Variants in EBF1 observed in about 807,000 individuals in gnomAD.
EBF1 encodes transcription factor COE1.
EBF1 carries 10 observed loss-of-function variants against 68.4 expected under a neutral mutation model. The ratio of observed to expected loss-of-function variants is 0.15; its 90% CI spans 0.09 to 0.25. The LOEUF is 0.25. EBF1 is among the 10% of genes least tolerant of loss of function. The pLI is 1.00. For synonymous variants in EBF1, 298 were observed against 299.8 expected, an observed-to-expected ratio of 0.99 and a Z score of 0.06; for missense variants, 509 against 794.4, an observed-to-expected ratio of 0.64 and a Z score of 4.32.
chr5:159,002,912 A>G (rs1169820183), intron 6 of EBF1, among the ~76,000 whole-genome samples: 1 of 152,260 alleles, frequency 6.6e-6, no homozygotes, highest in Non-Finnish European at 1.5e-5. Context: ...GCAGCTGTGT[A>G]GGAAAGTTGA....
At chr5:158,851,303 A>G (rs2127996424) in intron 6 of EBF1, among the ~76,000 whole-genome samples, 1 of 135,326 alleles carries the variant, frequency 7.4e-6, no homozygotes, top group South Asian at 2.6e-4. Context: ...TGAACCTAGG[A>G]GGTAGAAGTT....
intron 11 of EBF1, among the ~76,000 whole-genome samples, chr5:158,718,460 C>G (rs1035091808): frequency 6.6e-6 from 1 of 152,138 alleles, no homozygotes; most frequent in East Asian, 1.9e-4. Flanking sequence ...TGGACAATGC[C>G]TCTCTCCATC....
At chr5:158,839,881 G>C (rs1022308982) in intron 7 of EBF1, 148 bp downstream of exon 7, 1 of 692,442 alleles carries the variant, frequency 1.4e-6, no homozygotes, top group East Asian at 2.7e-5. Flanking sequence ...CTAAACAACT[G>C]CTAGATTGCA....
chr5:158,897,817 G>A (rs1289604625), intron 6 of EBF1, among the ~76,000 whole-genome samples: 3 of 152,194 alleles, frequency 2.0e-5, no homozygotes, highest in Non-Finnish European at 1.5e-5. Flanking sequence ...AAGATGATTA[G>A]TTTGGAAATG....
chr5:158,912,522 C>T (rs1004420465), intron 6 of EBF1, among the ~76,000 whole-genome samples: 2 of 152,122 alleles, frequency 1.3e-5, no homozygotes, highest in South Asian at 2.1e-4. Flanking sequence ...AATACAGATT[C>T]TCAAGCCTCA....
intron 11 of EBF1, among the ~76,000 whole-genome samples, chr5:158,721,304 G>T (rs976113611): frequency 2.0e-5 from 3 of 152,128 alleles, no homozygotes; most frequent in Non-Finnish European, 4.4e-5. Context: ...TGAATCATAT[G>T]AAATTAAACT....
chr5:158,734,043 C>T (rs901648382), intron 10 of EBF1, among the ~76,000 whole-genome samples: 1 of 152,076 alleles, frequency 6.6e-6, no homozygotes, highest in Non-Finnish European at 1.5e-5. Context: ...TCCTCAAAAG[C>T]AATGCCATAG....
At chr5:158,923,768 C>G (rs955973925) in intron 6 of EBF1, among the ~76,000 whole-genome samples, 1 of 152,152 alleles carries the variant, frequency 6.6e-6, no homozygotes, top group African/African-American at 2.4e-5. Context: ...CTGTAAGGTC[C>G]CTTTCAGATC....
chr5:158,790,289 T>G (rs2127725357), intron 9 of EBF1, among the ~76,000 whole-genome samples: 1 of 152,304 alleles, frequency 6.6e-6, no homozygotes, highest in Non-Finnish European at 1.5e-5. Flanking sequence ...TGAGGGAAAT[T>G]TTGTTCAAAG....
chr5:158,765,201 G>A (rs1862177), intron 10 of EBF1, among the ~76,000 whole-genome samples: 2,318 of 152,048 alleles, frequency 0.015, 58 homozygotes, highest in African/African-American at 0.053. Context: ...TATGTCTTCT[G>A]AGCTAACCAA....
At chr5:158,926,893 A>G (rs1809826257) in intron 6 of EBF1, among the ~76,000 whole-genome samples, 1 of 152,212 alleles carries the variant, frequency 6.6e-6, no homozygotes. Context: ...AACCGAATCA[A>G]TACAACCACA....
intron 11 of EBF1, among the ~76,000 whole-genome samples, chr5:158,718,327 T>C (rs889994482): frequency 6.6e-6 from 1 of 152,170 alleles, no homozygotes; most frequent in Non-Finnish European, 1.5e-5. Context: ...TTTGAAGAAC[T>C]GCTCTCTATG....
chr5:158,952,820 T>C (rs1316758386), intron 6 of EBF1, among the ~76,000 whole-genome samples: 1 of 152,188 alleles, frequency 6.6e-6, no homozygotes, highest in Non-Finnish European at 1.5e-5. Flanking sequence ...AAGAATTAAT[T>C]AGCTGCAAAT....
chr5:159,061,676 C>T (rs911011481), intron 6 of EBF1, among the ~76,000 whole-genome samples: 11 of 152,026 alleles, frequency 7.2e-5, no homozygotes, highest in African/African-American at 2.7e-4. Flanking sequence ...AGAATCGAAA[C>T]ATGGCTCAAG....
intron 6 of EBF1, among the ~76,000 whole-genome samples, chr5:159,035,304 T>TA (rs1227409127): frequency 6.6e-6 from 1 of 151,820 alleles, no homozygotes; most frequent in Non-Finnish European, 1.5e-5. Flanking sequence ...GGAACATTGG[T>TA]AAAAAATAAA....
intron 9 of EBF1, among the ~76,000 whole-genome samples, chr5:158,784,968 C>T (rs1777127312): frequency 6.6e-6 from 1 of 152,140 alleles, no homozygotes; most frequent in Non-Finnish European, 1.5e-5. Flanking sequence ...TAATATTATA[C>T]ATGCTTTATG....
At chr5:158,874,700 C>T (rs1797485238) in intron 6 of EBF1, among the ~76,000 whole-genome samples, 1 of 152,004 alleles carries the variant, frequency 6.6e-6, no homozygotes, top group Admixed American at 6.6e-5. Flanking sequence ...TTCTGCAAGA[C>T]TCGGCAGGAA....
chr5:159,028,043 G>A (rs1165153853), intron 6 of EBF1, among the ~76,000 whole-genome samples: 1 of 152,136 alleles, frequency 6.6e-6, no homozygotes, highest in East Asian at 1.9e-4. Flanking sequence ...GTTGAAGTTG[G>A]GGCTTTGTGC....
At chr5:158,891,613 C>CAT (rs1186353826) in intron 6 of EBF1, among the ~76,000 whole-genome samples, 4 of 151,928 alleles carry the variant, frequency 2.6e-5, no homozygotes, top group Admixed American at 6.6e-5. Flanking sequence ...AGTGTATATG[C>CAT]ATATATATGT....
Sources: allele counts gnomAD v4.1 joint callset (sites outside exome capture counted in the v4.1 genomes callset), GRCh38; gene constraint gnomAD v4.1.1; transcripts MANE v1.5; gene names NCBI Gene and HGNC (gene_info 2026-07-23, HGNC 2026-07-21).